KCNK1: variants seen among roughly 807,000 people sequenced by gnomAD.
KCNK1 encodes potassium channel subfamily K member 1.
A neutral mutation model predicts 22.2 loss-of-function variants in KCNK1; 10 were observed. The observed-to-expected ratio is 0.45, with a 90% confidence interval of 0.28 to 0.76. The LOEUF (loss-of-function observed/expected upper bound fraction) is 0.76, where lower values mean the gene tolerates loss of function less well. Among genes scored for constraint, KCNK1 ranks in the 30% least tolerant of loss-of-function variants. The pLI is 0.14. For synonymous variants in KCNK1, 200 were observed against 186.4 expected (o/e 1.07, Z -0.60); for missense variants, 378 against 421.0 (o/e 0.90, Z 0.89).
At chr1:233,669,343 C>G (rs1474435967) in intron 2 of KCNK1, among the ~76,000 whole-genome samples, 1 of 152,150 alleles carries the variant, frequency 6.6e-6, no homozygotes, top group Non-Finnish European at 1.5e-5. Flanking sequence ...AATACTAAAT[C>G]CTTGCATAAC....
At chr1:233,667,965 T>G (rs1235028745) in intron 2 of KCNK1, among the ~76,000 whole-genome samples, 2 of 152,198 alleles carry the variant, frequency 1.3e-5, no homozygotes, top group Non-Finnish European at 2.9e-5. Context: ...ATTAACTGTT[T>G]CCAGAATTTT....
At chr1:233,650,243 T>A (rs1012421121) in intron 1 of KCNK1, among the ~76,000 whole-genome samples, 21 of 152,152 alleles carry the variant, frequency 1.4e-4, no homozygotes, top group African/African-American at 3.9e-4. Context: ...AGAGCGCATT[T>A]GGATTTTTCT....
At chr1:233,659,283 G>A (rs982011230) in intron 1 of KCNK1, among the ~76,000 whole-genome samples, 8 of 150,994 alleles carry the variant, frequency 5.3e-5, no homozygotes, top group African/African-American at 1.7e-4. Flanking sequence ...TCTTCCACCC[G>A]CACATCTGTC....
intron 1 of KCNK1, among the ~76,000 whole-genome samples, chr1:233,659,314 G>A (rs10910240): frequency 1.6e-3 from 242 of 151,396 alleles, no homozygotes; most frequent in African/African-American, 5.4e-3. Flanking sequence ...GTCTTCAGGG[G>A]CAGTAACACG....
rs1210485152 is a variant in KCNK1 at position 233,646,899 on chromosome 1, C to T, written c.356-19696C>T. ...AGACGACAGACCTGTTTGAGAAGAGCGGCTTGGATGGAAGCTCACATTGAA... is the reference window on the plus strand; with the variant it reads ...AGACGACAGACCTGTTTGAGAAGAGTGGCTTGGATGGAAGCTCACATTGAA... On this transcript the variant is annotated intron_variant, in intron 1 of 2. Coordinates refer to ENST00000366621, the MANE Select transcript of KCNK1 (RefSeq NM_002245.4). Among the ~76,000 whole-genome samples the T allele has an allele frequency of 2.6e-5, 4 of 152,240 alleles. No individual in the cohort carries two copies. The South Asian group carries it at 6.2e-4, about 24-fold the overall frequency.
intron 1 of KCNK1, among the ~76,000 whole-genome samples, chr1:233,621,320 A>G (rs1309653870): frequency 6.6e-6 from 1 of 152,236 alleles, no homozygotes; most frequent in Non-Finnish European, 1.5e-5. Context: ...CAGAACTTTG[A>G]GAAAATAAAT....
intron 1 of KCNK1, among the ~76,000 whole-genome samples, chr1:233,648,794 T>C (rs1455186712): frequency 6.6e-6 from 1 of 152,194 alleles, no homozygotes; most frequent in African/African-American, 2.4e-5. Context: ...CTCAAACTCC[T>C]AACCTCAGGT....
chr1:233,671,075 T>C (rs938281042), intron 2 of KCNK1, among the ~76,000 whole-genome samples, 196 bp from the exon 3 acceptor site: 3 of 152,206 alleles, frequency 2.0e-5, no homozygotes, highest in Non-Finnish European at 4.4e-5. Context: ...TCATTCTTCA[T>C]TGTCTTTCAC....
intron 1 of KCNK1, among the ~76,000 whole-genome samples, chr1:233,632,806 TC>T (rs1354268076): frequency 1.3e-5 from 2 of 152,204 alleles, no homozygotes; most frequent in Admixed American, 6.5e-5. Context: ...AACTCTGCTT[TC>T]TTTGTCCTCC....
intron 2 of KCNK1, among the ~76,000 whole-genome samples, chr1:233,667,753 T>C (rs199674132): frequency 1.2e-5 from 1 of 85,080 alleles, no homozygotes; most frequent in Non-Finnish European, 2.6e-5. Flanking sequence ...AAAAAAAAAA[T>C]ACATCATACA....
chr1:233,614,261 C>T lies in KCNK1; in HGVS notation c.90C>T (p.Tyr30=), dbSNP rs1657439922. 1.2e-6 allele frequency: 2 copies of T among 1,613,444 alleles called. No homozygotes were observed. The highest frequency in any genetic ancestry group is 1.7e-6 in the Non-Finnish European group (2 of 1,179,934). The stretch of plus-strand genomic sequence containing the variant: ...GCTTCGGCTTCCTGGTGCTGGGCTA[C>T]TTGCTCTACCTGGTCTTCGGCGCAG... ...AWCFGFLVLG[Y]LLYLVFGAVV... is the part of the protein sequence containing the mutation. The change falls in exon 1 of 3, where the codon TAC becomes TAT. Residue 30 remains tyrosine (Y), a synonymous_variant. Coordinates refer to ENST00000366621, the MANE Select transcript of KCNK1 (RefSeq NM_002245.4).
chr1:233,616,084 A>C (rs1657484253), intron 1 of KCNK1, among the ~76,000 whole-genome samples: 1 of 152,190 alleles, frequency 6.6e-6, no homozygotes, highest in Non-Finnish European at 1.5e-5. Flanking sequence ...TCTGTTCCTC[A>C]GATCATTTAG....
chr1:233,652,906 T>TTATCTGATGC (rs1658225917), intron 1 of KCNK1, among the ~76,000 whole-genome samples: 1 of 152,176 alleles, frequency 6.6e-6, no homozygotes, highest in Non-Finnish European at 1.5e-5. Flanking sequence ...ACATCTTGGG[T>TTATCTGATGC]TTTGCTGACA....
At chr1:233,631,379 T>G in intron 1 of KCNK1, 1 of 468,124 alleles carries the variant, frequency 2.1e-6, no homozygotes, top group Admixed American at 2.3e-5. Context: ...TAGGCCTGCT[T>G]CTTTGTGTTT....
At chr1:233,634,347 CAT>C (rs1657860721) in intron 1 of KCNK1, among the ~76,000 whole-genome samples, 1 of 150,994 alleles carries the variant, frequency 6.6e-6, no homozygotes, top group Non-Finnish European at 1.5e-5. Flanking sequence ...AAAGAAAATA[CAT>C]TTTGGTATAG....
At chr1:233,640,727 A>G (rs1409404181) in intron 1 of KCNK1, among the ~76,000 whole-genome samples, 3 of 151,460 alleles carry the variant, frequency 2.0e-5, no homozygotes, top group African/African-American at 7.3e-5. Flanking sequence ...TCTTTTTTAG[A>G]CAGGGTCTCG....
intron 1 of KCNK1, among the ~76,000 whole-genome samples, chr1:233,655,231 C>G (rs954886072): frequency 1.3e-5 from 2 of 152,132 alleles, no homozygotes; most frequent in Non-Finnish European, 2.9e-5. Context: ...TCTTTTCTTT[C>G]TTTTGAAATG....
At chr1:233,626,632 G>C (rs1245891042) in intron 1 of KCNK1, among the ~76,000 whole-genome samples, 1 of 152,048 alleles carries the variant, frequency 6.6e-6, no homozygotes, top group Admixed American at 6.5e-5. Flanking sequence ...AGAAAGAAGA[G>C]GTCATTCAGA....
rs115726730 is a variant in KCNK1, at chr1:233,667,867, A to G, written c.751+877A>G. On this transcript the variant is annotated intron_variant, in intron 2 of 2. Transcript: ENST00000366621. ...AGGCCTCGGATAGAGCGTGTTATCA[A>G]TCATGCTCTTTAATTTACCAGAAAA... Among the ~76,000 whole-genome samples the G allele has an allele frequency of 4.9e-3, 746 of 152,274 alleles. 7 individuals carry two copies. Among genetic ancestry groups the G allele is most frequent in the African/African-American group, 0.016 (685 of 41,550 alleles).
Sources: allele counts gnomAD v4.1 joint callset (sites outside exome capture counted in the v4.1 genomes callset), GRCh38; gene constraint gnomAD v4.1.1; transcripts MANE v1.5; gene names NCBI Gene and HGNC (gene_info 2026-07-23, HGNC 2026-07-21).